The following NUP35 variants were observed in gnomAD, a reference collection of about 807,000 sequenced individuals.
The protein encoded by NUP35 is nucleoporin NUP35.
NUP35 carries 25 observed loss-of-function variants against 41.5 expected under a neutral mutation model. The observed-to-expected ratio is 0.60, with a 90% confidence interval of 0.44 to 0.84. The LOEUF (loss-of-function observed/expected upper bound fraction) is 0.84, where lower values mean the gene tolerates loss of function less well. NUP35 is among the 40% of genes least tolerant of loss of function. The pLI is 0.00. For missense variants in NUP35, 396 were observed against 396.6 expected, an observed-to-expected ratio of 1.00 and a Z score of 0.01; for synonymous variants, 149 against 130.7, an observed-to-expected ratio of 1.14 and a Z score of -0.96.
upstream of NUP35, among the ~76,000 whole-genome samples, chr2:183,122,544 G>C (rs1276555191): frequency 6.6e-6 from 1 of 152,044 alleles, no homozygotes; most frequent in African/African-American, 2.4e-5. Flanking sequence ...GGTCTTTCTA[G>C]GTTAATATTT....
intron 5 of NUP35, among the ~76,000 whole-genome samples, chr2:183,154,129 A>G (rs1280756119): frequency 6.6e-6 from 1 of 152,166 alleles, no homozygotes. Flanking sequence ...GGCTGCACAC[A>G]GCACAGGGAC....
chr2:183,138,269 A>ATATATATATATATTT lies in NUP35; in HGVS notation c.397+4647_397+4648insATATATATATATTTT. Among the ~76,000 whole-genome samples the ATATATATATATATTT allele has an allele frequency of 3.2e-3, 254 of 80,528 alleles. 2 individuals are homozygous for ATATATATATATATTT. The highest frequency in any genetic ancestry group is 0.015 in the African/African-American group (243 of 16,014). The allele number at this position is 80,528 out of a possible 152,430, so 52.8% of individuals were successfully genotyped here. On this transcript the variant is annotated intron_variant, in intron 4 of 8. Coordinates refer to ENST00000295119, the MANE Select transcript of NUP35 (RefSeq NM_138285.5). ...GCTATATATATATATATATATATAT[A>ATATATATATATATTT]TTTTTTTTTTTTTTTAGCTCCTGTA...
At chr2:183,133,431 C>A in intron 3 of NUP35, 135 bp from the exon 4 acceptor site, 1 of 607,396 alleles carries the variant, frequency 1.6e-6, no homozygotes, top group Non-Finnish European at 2.8e-6. Flanking sequence ...AAAAAGAGTG[C>A]CTTTGTACTT....
Position 183,130,512 on chromosome 2 carries a change from A to G in NUP35, c.306A>G (p.Gly102=). The G allele has an allele frequency of 6.2e-7, 1 of 1,613,014 alleles. No individual in the cohort carries two copies. Among genetic ancestry groups the G allele is most frequent in the Non-Finnish European group, 8.5e-7 (1 of 1,179,776 alleles). Residue 102 remains glycine (G), a synonymous_variant, in exon 3 of 9, where the codon GGA becomes GGG. Coordinates refer to ENST00000295119, the MANE Select transcript of NUP35 (RefSeq NM_138285.5). ...RSIYDDISSP[G]LGSTPLTSRR... is the part of the protein sequence containing the mutation. ...TATATGATGACATTTCTAGCCCAGG[A>G]CTTGGATCAACACCTTTAACTTCAA...
At chr2:183,152,451 C>T (rs79741249) in intron 5 of NUP35, among the ~76,000 whole-genome samples, 6,906 of 152,140 alleles carry the variant, frequency 0.045, 246 homozygotes, top group South Asian at 0.15. Flanking sequence ...CCCTTTCCCC[C>T]GAGTCCCCAA....
intron 5 of NUP35, 74 bp from the exon 6 acceptor site, chr2:183,157,370 C>T: frequency 1.8e-6 from 2 of 1,086,580 alleles, no homozygotes; most frequent in Non-Finnish European, 2.8e-6. Context: ...TATCTTGAAA[C>T]ATTATCTTGT....
intron 3 of NUP35, among the ~76,000 whole-genome samples, chr2:183,131,795 C>T (rs1371368260): frequency 6.6e-6 from 1 of 152,066 alleles, no homozygotes; most frequent in Non-Finnish European, 1.5e-5. Flanking sequence ...TACTAAATTT[C>T]ACCTGTTTGT....
intron 1 of NUP35, chr2:183,117,635 C>A (rs1700006575): frequency 6.6e-6 from 1 of 152,126 alleles, no homozygotes; most frequent in Non-Finnish European, 1.5e-5. Context: ...AGGTGGAAAT[C>A]TTTTTTCTTC....
intron 4 of NUP35, among the ~76,000 whole-genome samples, chr2:183,140,822 C>CA (rs34256493): frequency 0.11 from 9,954 of 89,366 alleles, 1,086 homozygotes; most frequent in African/African-American, 0.32. Flanking sequence ...AAACTCCATT[C>CA]AAAAAAAAAA....
At chr2:183,118,673 C>T (rs1368978975) in intron 1 of NUP35, 1 of 152,102 alleles carries the variant, frequency 6.6e-6, no homozygotes. Context: ...TTCTTGTGTC[C>T]TCAGGAGAGA....
upstream of NUP35, chr2:183,123,752 A>T: frequency 1.0e-6 from 1 of 984,380 alleles, no homozygotes; most frequent in Middle Eastern, 5.2e-4. Flanking sequence ...GAAAAGCAGC[A>T]AAGTGAGGGG....
chr2:183,157,477 A>C lies in NUP35; in HGVS notation c.573A>C (p.Leu191=). The C allele has an allele frequency of 6.2e-7, 1 of 1,613,034 alleles. No individual in the cohort carries two copies. Among genetic ancestry groups the C allele is most frequent in the Non-Finnish European group, 8.5e-7 (1 of 1,179,144 alleles). ...FPQASASYIL[L]QFAQYGNILK... is the part of the protein sequence containing the mutation. ...AAGCATCTGCTTCCTACATATTACT[A>C]CAATTTGCACAGTATGGGAATATCT... The change falls in exon 6 of 9, where the codon CTA becomes CTC. Residue 191 remains leucine, a synonymous_variant. Transcript: ENST00000295119.
intron 4 of NUP35, among the ~76,000 whole-genome samples, chr2:183,142,670 G>A (rs112288986): frequency 0.031 from 4,687 of 151,446 alleles, 273 homozygotes; most frequent in African/African-American, 0.11. Flanking sequence ...AGTAGAGACA[G>A]GGTTTCACCA....
chr2:183,120,859 C>T (rs1364376022), upstream of NUP35, among the ~76,000 whole-genome samples: 3 of 152,104 alleles, frequency 2.0e-5, no homozygotes, highest in Admixed American at 1.3e-4. Flanking sequence ...GTTTGATGTA[C>T]GGGTAGGTTG....
At chr2:183,136,563 G>T (rs1323144300) in intron 4 of NUP35, among the ~76,000 whole-genome samples, 2 of 152,176 alleles carry the variant, frequency 1.3e-5, no homozygotes, top group Non-Finnish European at 2.9e-5. Context: ...TATAGCAATG[G>T]CAGATCAAGT....
chr2:183,118,344 A>T (rs1365892932), intron 1 of NUP35: 2 of 152,232 alleles, frequency 1.3e-5, no homozygotes, highest in Non-Finnish European at 2.9e-5. Context: ...AGAAATAAAA[A>T]AAGTACAAAT....
At chr2:183,127,915 A>T (rs1458680734) in intron 1 of NUP35, among the ~76,000 whole-genome samples, 1 of 152,094 alleles carries the variant, frequency 6.6e-6, no homozygotes, top group African/African-American at 2.4e-5. Context: ...TCTGCAAAAA[A>T]ATACAAAAAT....
At chr2:183,151,807 C>A (rs1451324148) in intron 5 of NUP35, among the ~76,000 whole-genome samples, 158 bp downstream of exon 5, 1 of 152,132 alleles carries the variant, frequency 6.6e-6, no homozygotes, top group East Asian at 1.9e-4. Flanking sequence ...TTTGCTTTGT[C>A]ATTTATCCAT....
At chr2:183,140,328 T>TAAA (rs1278853107) in intron 4 of NUP35, among the ~76,000 whole-genome samples, 2 of 152,114 alleles carry the variant, frequency 1.3e-5, no homozygotes, top group Non-Finnish European at 2.9e-5. Context: ...AGTGAGTGTT[T>TAAA]CTACATTATT....
Sources: gnomAD v4.1 joint callset for allele counts (sites outside exome capture counted in the v4.1 genomes callset) on GRCh38, gnomAD v4.1.1 for gene constraint, MANE v1.5 for transcripts, NCBI Gene and HGNC (gene_info 2026-07-23, HGNC 2026-07-21) for gene names.